Variants in RPS6KC1 observed in about 807,000 individuals in gnomAD.
RPS6KC1 encodes ribosomal protein S6 kinase C1.
RPS6KC1 carries 54 observed loss-of-function variants against 103.8 expected under a neutral mutation model. The observed-to-expected ratio is 0.52, with a 90% CI of 0.42 to 0.65. RPS6KC1 has a LOEUF of 0.65. Among genes scored for constraint, RPS6KC1 ranks in the 30% least tolerant of loss-of-function variants. RPS6KC1 has a pLI of 0.00. For synonymous variants in RPS6KC1, 439 were observed against 438.7 expected (o/e 1.00, Z -0.01); for missense variants, 1,151 against 1,253.8 (o/e 0.92, Z 1.24).
At chr1:213,767,801 T>C in the RPS6KC1 span, among the ~76,000 whole-genome samples, 23 of 152,352 alleles carry the variant, frequency 1.5e-4, no homozygotes, top group South Asian at 4.8e-3. Context: ...ACGTGGTTAG[T>C]GAATGATGGT....
At chr1:213,751,992 C>A in the RPS6KC1 span, among the ~76,000 whole-genome samples, 28 of 152,292 alleles carry the variant, frequency 1.8e-4, no homozygotes, top group Admixed American at 1.3e-4. Flanking sequence ...CTTCTTAGAA[C>A]AGCAGTTTTA....
intron 8 of RPS6KC1, among the ~76,000 whole-genome samples, chr1:213,199,495 C>T (rs2093072654): frequency 1.3e-5 from 2 of 152,136 alleles, no homozygotes; most frequent in Admixed American, 1.3e-4. Flanking sequence ...AAGGAAATAC[C>T]TCAAAATAAT....
At chr1:213,421,328 G>T in the RPS6KC1 span, among the ~76,000 whole-genome samples, 1 of 152,138 alleles carries the variant, frequency 6.6e-6, no homozygotes, top group Non-Finnish European at 1.5e-5. Flanking sequence ...GACCAGGCTG[G>T]TCTCTAACTC....
intron 8 of RPS6KC1, 28 bp downstream of exon 8, chr1:213,176,520 T>C: frequency 6.9e-7 from 1 of 1,447,862 alleles, no homozygotes; most frequent in Non-Finnish European, 9.6e-7. Flanking sequence ...CTTCAAGAGT[T>C]CAGTCATAAA....
the RPS6KC1 span, among the ~76,000 whole-genome samples, chr1:213,309,915 C>G: frequency 6.6e-6 from 1 of 152,134 alleles, no homozygotes; most frequent in African/African-American, 2.4e-5. Context: ...GAACTCCTCA[C>G]CTCAGGTGAT....
the RPS6KC1 span, among the ~76,000 whole-genome samples, chr1:213,662,603 C>T: frequency 6.6e-6 from 1 of 152,042 alleles, no homozygotes; most frequent in Non-Finnish European, 1.5e-5. Context: ...CAAAGCATGA[C>T]TTTAATCATA....
chr1:213,817,598 T>A, the RPS6KC1 span, among the ~76,000 whole-genome samples: 164 of 152,294 alleles, frequency 1.1e-3, no homozygotes, highest in African/African-American at 3.8e-3. Flanking sequence ...ACACTCTCAG[T>A]CCAACCCTGT....
the RPS6KC1 span, among the ~76,000 whole-genome samples, chr1:213,286,367 A>G: frequency 6.6e-6 from 1 of 152,218 alleles, no homozygotes; most frequent in Non-Finnish European, 1.5e-5. Flanking sequence ...TGCAGCTGAA[A>G]CATTTTATAA....
intron 3 of RPS6KC1, among the ~76,000 whole-genome samples, chr1:213,080,445 A>G (rs1296795981): frequency 6.6e-6 from 1 of 152,178 alleles, no homozygotes; most frequent in African/African-American, 2.4e-5. Context: ...ACCACTTAAC[A>G]TTTGAAATCT....
chr1:213,438,705 G>T, the RPS6KC1 span, among the ~76,000 whole-genome samples: 1 of 151,970 alleles, frequency 6.6e-6, no homozygotes, highest in African/African-American at 2.4e-5. Context: ...GTACAGCTTA[G>T]GATTCAGCAA....
At position 213,129,716 on chromosome 1, in the gene RPS6KC1, A is replaced by C. The variant is rs1392003572; in HGVS notation, c.662A>C (p.Glu221Ala). 1 of 1,614,116 alleles carries C rather than the reference A, an allele frequency of 6.2e-7. No individual in the cohort carries two copies. Among genetic ancestry groups the C allele is most frequent in the Admixed American group, 1.7e-5 (1 of 60,004 alleles). Residue 221 changes from glutamate to alanine, a missense_variant, in exon 6 of 15, where the codon GAA (glutamate) becomes GCA (alanine). Transcript: ENST00000366960. The stretch of plus-strand genomic sequence containing the variant: ...CAGAGCAAAACAGAAGAAGAACGGG[A>C]AAGTCGTAGCCTCTTTCCTGGCAGT... The part of the protein sequence containing the change: ...SEQSKTEEER[E>A]SRSLFPGSLK...
the RPS6KC1 span, among the ~76,000 whole-genome samples, chr1:213,329,797 G>A: frequency 3.9e-5 from 6 of 152,124 alleles, no homozygotes; most frequent in Non-Finnish European, 7.3e-5. Context: ...ACAGCTGTCC[G>A]AGGTCCTTCT....
the RPS6KC1 span, among the ~76,000 whole-genome samples, chr1:213,337,752 C>G: frequency 1.3e-5 from 2 of 152,014 alleles, no homozygotes; most frequent in Non-Finnish European, 2.9e-5. Flanking sequence ...CTGCTGTGTA[C>G]CAGGTATATA....
At chr1:213,183,334 C>T (rs951338950) in intron 8 of RPS6KC1, among the ~76,000 whole-genome samples, 3 of 152,086 alleles carry the variant, frequency 2.0e-5, no homozygotes, top group Non-Finnish European at 4.4e-5. Context: ...TTTTATAGAA[C>T]ACTCTACCTA....
intron 8 of RPS6KC1, among the ~76,000 whole-genome samples, chr1:213,203,758 C>A (rs560110817): frequency 6.6e-6 from 1 of 152,310 alleles, no homozygotes; most frequent in Non-Finnish European, 1.5e-5. Flanking sequence ...TTGATTTATA[C>A]TCCTGCTGTC....
intron 1 of RPS6KC1, among the ~76,000 whole-genome samples, chr1:213,057,317 G>A (rs952878417): frequency 2.6e-5 from 4 of 152,226 alleles, no homozygotes; most frequent in Admixed American, 6.5e-5. Flanking sequence ...AGGGTAGGCT[G>A]GAAGGAGGCA....
At chr1:213,353,019 C>T in the RPS6KC1 span, among the ~76,000 whole-genome samples, 1 of 152,204 alleles carries the variant, frequency 6.6e-6, no homozygotes, top group Admixed American at 6.5e-5. Flanking sequence ...GAGGGCTCTC[C>T]TCAGGCATTT....
chr1:213,394,682 T>C, the RPS6KC1 span, among the ~76,000 whole-genome samples: 2 of 152,128 alleles, frequency 1.3e-5, no homozygotes, highest in Non-Finnish European at 2.9e-5. Context: ...CTGAGAGGTG[T>C]TGGATGAACA....
At chr1:213,857,725 G>A in the RPS6KC1 span, among the ~76,000 whole-genome samples, 3 of 152,170 alleles carry the variant, frequency 2.0e-5, no homozygotes, top group African/African-American at 7.2e-5. Flanking sequence ...TACTCCCTCA[G>A]TGTCTGGAGA....
Sources: gnomAD v4.1 joint callset for allele counts (sites outside exome capture counted in the v4.1 genomes callset) on GRCh38, gnomAD v4.1.1 for gene constraint, MANE v1.5 for transcripts, NCBI Gene and HGNC (gene_info 2026-07-23, HGNC 2026-07-21) for gene names.